The following RANBP17 variants were observed in gnomAD, a reference collection of about 807,000 sequenced individuals.
The protein encoded by RANBP17 is RAN binding protein 17, also known as ran-binding protein 17.
Under a neutral mutation model 141.2 loss-of-function variants are expected in RANBP17, and 158 were observed. The observed-to-expected ratio is 1.12, with a 90% CI of 0.98 to 1.28. The LOEUF (loss-of-function observed/expected upper bound fraction) is 1.28, where lower values mean the gene tolerates loss of function less well. RANBP17 is among the 50% of genes most tolerant of loss of function. The pLI is 0.00. For missense variants in RANBP17, 1,438 were observed against 1,290.7 expected (o/e 1.11, Z -1.75); for synonymous variants, 430 against 450.0 (o/e 0.96, Z 0.56).
At chr5:170,918,488 T>A (rs541882808) in intron 9 of RANBP17, among the ~76,000 whole-genome samples, 1 of 152,092 alleles carries the variant, frequency 6.6e-6, no homozygotes, top group East Asian at 1.9e-4. Flanking sequence ...GATGCAGATC[T>A]TCTTCCAAGG....
At chr5:170,956,481 A>G (rs1476641390) in intron 13 of RANBP17, among the ~76,000 whole-genome samples, 1 of 152,006 alleles carries the variant, frequency 6.6e-6, no homozygotes, top group East Asian at 1.9e-4. Context: ...TATCAAATTG[A>G]ATTACTTGAA....
In RANBP17 at chr5:171,155,024, G is replaced by GTCGAGA. The variant is rs1303933540; in HGVS notation, c.1711-15106_1711-15105insTCGAGA. On this transcript the variant is annotated intron_variant, in intron 14 of 27. Transcript: ENST00000523189. ...ACCCGGGAGGCAGAGGTTGCAGTGA[G>GTCGAGA]CTGAAATCACGCCACTGCACTCCAG... 7.6e-5 allele frequency among the ~76,000 whole-genome samples: 11 copies of GTCGAGA among 145,224 alleles called. No individual in the cohort carries two copies. The East Asian group carries it at 2.1e-3, about 27-fold the overall frequency.
At chr5:170,864,338 C>CA (rs1404281870) in intron 1 of RANBP17, among the ~76,000 whole-genome samples, 1 of 152,162 alleles carries the variant, frequency 6.6e-6, no homozygotes, top group East Asian at 1.9e-4. Context: ...TTTTTCACAT[C>CA]ATGACATACA....
chr5:170,916,938 A>G (rs1772026882), intron 9 of RANBP17, among the ~76,000 whole-genome samples: 1 of 151,676 alleles, frequency 6.6e-6, no homozygotes, highest in South Asian at 2.1e-4. Context: ...CTGGTCTCCA[A>G]CTCCTGACCT....
At chr5:170,911,356 C>T (rs1771512131) in intron 7 of RANBP17, 2 of 573,080 alleles carry the variant, frequency 3.5e-6, no homozygotes, top group African/African-American at 3.8e-5. Context: ...AAAACAAGGA[C>T]TGCACTAGAG....
At chr5:171,127,369 G>A (rs1220410975) in intron 14 of RANBP17, among the ~76,000 whole-genome samples, 2 of 152,120 alleles carry the variant, frequency 1.3e-5, no homozygotes, top group African/African-American at 4.8e-5. Flanking sequence ...CTAACAAACT[G>A]AACTGGGAAA....
chr5:171,263,542 G>A (rs536475624), intron 24 of RANBP17, among the ~76,000 whole-genome samples: 44 of 152,164 alleles, frequency 2.9e-4, no homozygotes, highest in Non-Finnish European at 5.1e-4. Context: ...TCACTTACTT[G>A]TCAGTAACAC....
intron 14 of RANBP17, among the ~76,000 whole-genome samples, chr5:171,129,484 G>T (rs1166425036): frequency 6.6e-6 from 1 of 152,084 alleles, no homozygotes; most frequent in African/African-American, 2.4e-5. Flanking sequence ...GCTTCAATCT[G>T]GCACTGTAGT....
intron 14 of RANBP17, among the ~76,000 whole-genome samples, chr5:171,130,173 A>G (rs1474594958): frequency 6.6e-6 from 1 of 152,112 alleles, no homozygotes; most frequent in Admixed American, 6.5e-5. Context: ...ACTAAATTGT[A>G]CTTTGCATAA....
intron 14 of RANBP17, among the ~76,000 whole-genome samples, chr5:170,998,586 G>A (rs1388390264): frequency 1.3e-5 from 2 of 152,112 alleles, no homozygotes; most frequent in Non-Finnish European, 2.9e-5. Flanking sequence ...ATTAAACAGT[G>A]TAATAGTCTT....
chr5:170,878,312 G>A, intron 2 of RANBP17, 69 bp downstream of exon 2: 1 of 1,312,372 alleles, frequency 7.6e-7, no homozygotes, highest in Admixed American at 2.4e-5. Context: ...ATGAACTCGT[G>A]TGTTAGCAAT....
At chr5:171,073,391 A>C (rs1418689317) in intron 14 of RANBP17, among the ~76,000 whole-genome samples, 1 of 152,102 alleles carries the variant, frequency 6.6e-6, no homozygotes, top group Non-Finnish European at 1.5e-5. Flanking sequence ...ACAGGTACAG[A>C]TTAGCAGTCC....
chr5:171,121,618 C>G (rs1756038771), intron 14 of RANBP17, among the ~76,000 whole-genome samples: 1 of 152,112 alleles, frequency 6.6e-6, no homozygotes, highest in African/African-American at 2.4e-5. Flanking sequence ...CGGGTTCACA[C>G]CGGGTGAGAC....
At chr5:171,239,594 T>C (rs1764737008) in intron 22 of RANBP17, among the ~76,000 whole-genome samples, 1 of 152,096 alleles carries the variant, frequency 6.6e-6, no homozygotes, top group South Asian at 2.1e-4. Flanking sequence ...CCTGAAATAA[T>C]GGCATAGACA....
intron 14 of RANBP17, among the ~76,000 whole-genome samples, chr5:171,153,734 G>A (rs1387179644): frequency 1.3e-5 from 2 of 152,152 alleles, no homozygotes; most frequent in Admixed American, 1.3e-4. Flanking sequence ...TCAGCTTCAT[G>A]TTTTCCACTT....
rs757933110 is a variant in RANBP17, at chr5:170,881,801, T to C, written c.166-5T>C. On this transcript the variant is annotated splice_region_variant and splice_polypyrimidine_tract_variant and intron_variant, in intron 2 of 27. Transcript: ENST00000523189. ...GATAATAATAAATAAAATTATTCTT[T>C]ACAGACATCCTATGCTCAGCTCCTT... is the stretch of plus-strand genomic sequence containing the variant. 4 of 1,558,736 alleles carry C rather than the reference T, an allele frequency of 2.6e-6. No homozygotes were observed. The highest frequency in any genetic ancestry group is 2.3e-5 in the East Asian group (1 of 44,082).
intron 12 of RANBP17, among the ~76,000 whole-genome samples, chr5:170,939,130 T>G (rs542915462): frequency 6.6e-6 from 1 of 152,164 alleles, no homozygotes; most frequent in African/African-American, 2.4e-5. Context: ...CTCAAATAAC[T>G]GAGCAAAAAT....
Position 171,060,070 on chromosome 5 carries a change from A to G in RANBP17, c.1710+91693A>G, listed in dbSNP as rs1399517153. Among the ~76,000 whole-genome samples the G allele has an allele frequency of 3.0e-4, 15 of 50,438 alleles. 1 individual carries two copies. The South Asian group carries it at 0.012, about 40-fold the overall frequency. 33.1% of individuals were successfully genotyped at this position (50,438 alleles called of 152,430 possible). A position where few individuals can be genotyped will look rare whatever the true frequency, so the allele number is the denominator to read the frequency against. On this transcript the variant is annotated intron_variant, in intron 14 of 27. Coordinates refer to ENST00000523189, the MANE Select transcript of RANBP17 (RefSeq NM_022897.5). Reference sequence around the variant, plus strand: ...CAGCTTAAGGAGATTTTGGGCTGAGACAATGGGGTTTTCTAGATATACAAT... The same window carrying G: ...CAGCTTAAGGAGATTTTGGGCTGAGGCAATGGGGTTTTCTAGATATACAAT...
intron 14 of RANBP17, among the ~76,000 whole-genome samples, chr5:171,017,723 C>T (rs1411572750): frequency 6.6e-6 from 1 of 151,974 alleles, no homozygotes; most frequent in Admixed American, 6.6e-5. Flanking sequence ...CTCTGATGAT[C>T]GTTTCTTTTG....
Sources: gnomAD v4.1 joint callset for allele counts (sites outside exome capture counted in the v4.1 genomes callset) on GRCh38, gnomAD v4.1.1 for gene constraint, MANE v1.5 for transcripts, NCBI Gene and HGNC (gene_info 2026-07-23, HGNC 2026-07-21) for gene names.